PGM3: variants seen among roughly 807,000 people sequenced by gnomAD.
The protein encoded by PGM3 is phosphoacetylglucosamine mutase.
In PGM3, 40 loss-of-function variants were observed where a neutral mutation model predicts 66.2. That is an observed-to-expected ratio of 0.60 (90% confidence interval 0.47 to 0.79). PGM3 has a LOEUF of 0.79. PGM3 is among the 30% of genes least tolerant of loss of function. The pLI is 0.00. For missense variants in PGM3, 537 were observed against 643.4 expected (o/e 0.83, Z 1.79); for synonymous variants, 191 against 224.2 (o/e 0.85, Z 1.32).
At chr6:83,180,168 A>T (rs1395023121) in intron 6 of PGM3, among the ~76,000 whole-genome samples, 1 of 152,202 alleles carries the variant, frequency 6.6e-6, no homozygotes, top group Non-Finnish European at 1.5e-5. Context: ...AGCATTCAAA[A>T]TCTATGCTGA....
the PGM3 span, chr6:83,152,157 A>G: frequency 1.1e-4 from 108 of 1,019,718 alleles, 1 homozygote; most frequent in South Asian, 1.7e-3. Flanking sequence ...ACTTTTTTTC[A>G]GTGGGAAAAA....
chr6:83,155,661 A>C, the PGM3 span, among the ~76,000 whole-genome samples: 1 of 152,186 alleles, frequency 6.6e-6, no homozygotes, highest in Non-Finnish European at 1.5e-5. Context: ...ATGGCCTCAA[A>C]TATTAAAGGG....
rs767085522 is a variant in PGM3, at chr6:83,170,473, T to C, written c.1371A>G (p.Ala457=). ...CGGTAGTGCTAATAACTCTCCTGTC[T>C]GCAACCTAAGTGCAAGCATTTCATA... ...LPNRQLKVQV[A]DRRVISTTDA... is the part of the protein sequence containing the mutation. Residue 457 remains alanine, a synonymous_variant, in exon 12 of 13, where the codon GCA becomes GCG. Transcript: ENST00000513973. 1.9e-6 allele frequency: 3 copies of C among 1,613,740 alleles called. No homozygotes were observed. Among genetic ancestry groups the C allele is most frequent in the Non-Finnish European group, 2.5e-6 (3 of 1,179,658 alleles).
downstream of PGM3, chr6:83,158,420 T>C: frequency 1.5e-6 from 1 of 688,628 alleles, no homozygotes; most frequent in Non-Finnish European, 2.5e-6. Context: ...ATTTGCAGTT[T>C]TACCTTCAGA....
chr6:83,182,588 A>G (rs1394823545), intron 5 of PGM3, among the ~76,000 whole-genome samples: 1 of 152,210 alleles, frequency 6.6e-6, no homozygotes, highest in Non-Finnish European at 1.5e-5. Context: ...TTATGATACC[A>G]TCGTCAAGAC....
In PGM3 at chr6:83,165,459, T is replaced by A. The variant is rs1785244555; in HGVS notation, c.*3775A>T. The A allele has an allele frequency of 6.5e-6, 1 of 153,154 alleles. No individual in the cohort carries two copies. The highest frequency in any genetic ancestry group is 2.0e-4 in the South Asian group (1 of 4,890). The allele number at this position is 153,154 out of a possible 1,614,324, so 9.5% of individuals were successfully genotyped here. On this transcript the variant is annotated 3_prime_UTR_variant, in exon 13 of 13. Coordinates refer to ENST00000513973, the MANE Select transcript of PGM3 (RefSeq NM_015599.3). ...CAAAAGTAATTGCTGTTTGGGACCA[T>A]GAATTTTAAGTCATTATAACTAGGT... is the stretch of plus-strand genomic sequence containing the variant.
chr6:83,189,184 T>C (rs1020734928), intron 2 of PGM3, among the ~76,000 whole-genome samples: 23 of 152,180 alleles, frequency 1.5e-4, no homozygotes, highest in African/African-American at 4.8e-4. Context: ...CTGTGATCTG[T>C]GCATCCACTA....
chr6:83,167,154 T>C lies in PGM3; in HGVS notation c.*2080A>G. On this transcript the variant is annotated 3_prime_UTR_variant, in exon 13 of 13. Coordinates refer to ENST00000513973, the MANE Select transcript of PGM3 (RefSeq NM_015599.3). Reference sequence around the variant, plus strand: ...TTTGACTTCTCTACTAAAAGGTAGTTTTAGACTGTCCCATTTTATAAGTGA... The same window carrying C: ...TTTGACTTCTCTACTAAAAGGTAGTCTTAGACTGTCCCATTTTATAAGTGA... 1.1e-6 allele frequency: 1 copy of C among 920,660 alleles called. No homozygotes were observed. The allele number at this position is 920,660 out of a possible 1,614,324, so 57.0% of individuals were successfully genotyped here. A position where few individuals can be genotyped will look rare whatever the true frequency, so the allele number is the denominator to read the frequency against.
chr6:83,174,387 T>C lies in PGM3; in HGVS notation c.1229A>G (p.Asp410Gly), dbSNP rs747031843. 6.3e-7 allele frequency: 1 copy of C among 1,575,578 alleles called. No homozygotes were observed. The highest frequency in any genetic ancestry group is 8.7e-7 in the Non-Finnish European group (1 of 1,147,046). Residue 410 changes from aspartate (D) to glycine (G), a missense_variant, in exon 10 of 13, where the codon GAC becomes GGC. Physicochemically the swap from Asp to Gly is moderately conservative, Grantham distance 94. Transcript: ENST00000513973. ...KAAKMLENII[D>G]LFNQAAGDAI... ...ATCAGTTCTGACCTGGTTAAACAAG[T>C]CAATAATGTTTTCAAGCATCTTAGC...
downstream of PGM3, among the ~76,000 whole-genome samples, chr6:83,157,025 C>G (rs893206739): frequency 6.6e-6 from 1 of 152,092 alleles, no homozygotes; most frequent in Non-Finnish European, 1.5e-5. Context: ...TTGGAGTTCT[C>G]TTATTCGTTG....
rs1395156562 is a variant in PGM3 at position 83,185,538 on chromosome 6, C to T, written c.457+1470G>A. 3.9e-5 allele frequency among the ~76,000 whole-genome samples: 6 copies of T among 152,040 alleles called. No individual in the cohort carries two copies. The South Asian group carries it at 6.2e-4, about 16-fold the overall frequency. On this transcript the variant is annotated intron_variant, in intron 4 of 12. Transcript: ENST00000513973. ...CAGCACTTTGGGAGGCCGAGGCAGG[C>T]GGATCACGAGGTCAGGAGATTGAGA...
chr6:83,170,998 G>C (rs1786975253), intron 11 of PGM3: 1 of 152,776 alleles, frequency 6.5e-6, no homozygotes, highest in South Asian at 2.1e-4. Flanking sequence ...ACATAATGCA[G>C]AGTAAGTACT....
At chr6:83,170,549 A>C in intron 11 of PGM3, 71 bp from the exon 12 acceptor site, 6 of 1,221,520 alleles carry the variant, frequency 4.9e-6, no homozygotes, top group South Asian at 1.4e-5. Flanking sequence ...TTAAACATAC[A>C]TTCTACGAAA....
rs368890859 is a variant in PGM3, at chr6:83,166,558, CAA to C, written c.*2674_*2675del. ...AATATAAACAGCAATAAGTCATTAG[CAA>C]AAAAAAAGTGAGAAATATGCTTAAA... On this transcript the variant is annotated 3_prime_UTR_variant, in exon 13 of 13. Transcript: ENST00000513973. 3 of 578,000 alleles carry C rather than the reference CAA, an allele frequency of 5.2e-6. No individual in the cohort carries two copies. Among genetic ancestry groups the C allele is most frequent in the South Asian group, 5.3e-5 (2 of 37,938 alleles). 35.8% of individuals were successfully genotyped at this position (578,000 alleles called of 1,614,324 possible). A position where few individuals can be genotyped will look rare whatever the true frequency, so the allele number is the denominator to read the frequency against.
chr6:83,180,082 G>A (rs986292147), intron 6 of PGM3, 115 bp from the exon 7 acceptor site: 7 of 725,582 alleles, frequency 9.6e-6, no homozygotes, highest in Non-Finnish European at 1.5e-5. Flanking sequence ...CTTAAATAGT[G>A]TATAATCTTT....
At chr6:83,153,579 A>G in the PGM3 span, 9 of 1,609,818 alleles carry the variant, frequency 5.6e-6, no homozygotes, top group East Asian at 2.0e-4. Context: ...CTTTACTTGT[A>G]AATATTATGC....
chr6:83,191,096 G>A, intron 1 of PGM3, 82 bp from the exon 2 acceptor site: 2 of 1,464,260 alleles, frequency 1.4e-6, no homozygotes, highest in East Asian at 2.3e-5. Flanking sequence ...CACCCCAAAC[G>A]AATAGGTCTG....
downstream of PGM3, chr6:83,156,161 A>ATTTTCT (rs1170427647): frequency 6.4e-6 from 9 of 1,411,138 alleles, no homozygotes; most frequent in Non-Finnish European, 8.7e-6. Context: ...GTTCCTTAGA[A>ATTTTCT]AATACTTCTC....
chr6:83,188,317 C>G (rs957555135), intron 3 of PGM3, among the ~76,000 whole-genome samples: 1 of 151,754 alleles, frequency 6.6e-6, no homozygotes, highest in Admixed American at 6.6e-5. Context: ...AAAAATAAAC[C>G]TACAGAGGGG....
Sources: allele counts gnomAD v4.1 joint callset (sites outside exome capture counted in the v4.1 genomes callset), GRCh38; gene constraint gnomAD v4.1.1; transcripts MANE v1.5; gene names NCBI Gene and HGNC (gene_info 2026-07-23, HGNC 2026-07-21).